Variants in FOXN1 observed in about 807,000 individuals in gnomAD.
FOXN1 encodes the protein forkhead box protein N1.
A neutral mutation model predicts 49.0 loss-of-function variants in FOXN1; 15 were observed. The ratio of observed to expected loss-of-function variants is 0.31; its 90% CI spans 0.20 to 0.47. The LOEUF is 0.47. Ranked by LOEUF, FOXN1 falls within the 20% of genes least tolerant of loss-of-function variation. FOXN1 has a pLI of 1.00. For synonymous variants in FOXN1, 356 were observed against 369.0 expected (o/e 0.96, Z 0.40); for missense variants, 800 against 842.8 (o/e 0.95, Z 0.63).
Position 28,529,074 on chromosome 17 carries a change from G to T in FOXN1, c.700-20G>T. On this transcript the variant is annotated intron_variant, in intron 4 of 8. Coordinates refer to ENST00000579795, the MANE Select transcript of FOXN1 (RefSeq NM_001369369.1). ...AGGCTGGGTACCATGCAATCACTCT[G>T]CCCCTTTTGACCTCCTCAGTACTCG... 1 of 1,613,842 alleles carries T rather than the reference G, an allele frequency of 6.2e-7. No homozygotes were observed. The highest frequency in any genetic ancestry group is 8.5e-7 in the Non-Finnish European group (1 of 1,179,826).
In FOXN1 at chr17:28,535,214, G is replaced by T; in HGVS notation, c.1627+16G>T. 2 of 1,611,494 alleles carry T rather than the reference G, an allele frequency of 1.2e-6. No individual in the cohort carries two copies. Among genetic ancestry groups the T allele is most frequent in the African/African-American group, 1.3e-5 (1 of 75,050 alleles). ...GACTTCCAGGGTGAGCTGGGGGTGG[G>T]AAAGGGAAGGTGGGACAGGACTGGA... On this transcript the variant is annotated intron_variant, in intron 8 of 8. Transcript: ENST00000579795.
intron 1 of FOXN1, among the ~76,000 whole-genome samples, chr17:28,510,504 G>A (rs4332786): frequency 0.45 from 67,020 of 149,974 alleles, 16,089 homozygotes; most frequent in African/African-American, 0.63. Flanking sequence ...GCCATGTCCC[G>A]GACTGCACCA....
chr17:28,522,530 C>G (rs1351390123), intron 1 of FOXN1, among the ~76,000 whole-genome samples: 1 of 152,152 alleles, frequency 6.6e-6, no homozygotes, highest in East Asian at 1.9e-4. Context: ...GCCTGTAGTC[C>G]CAGCTACTCT....
At chr17:28,522,655 C>T (rs12938658) in intron 1 of FOXN1, among the ~76,000 whole-genome samples, 87,371 of 151,272 alleles carry the variant, frequency 0.58, 25,927 homozygotes, top group East Asian at 0.65. Flanking sequence ...TCCAAAAAAA[C>T]AAATAAATAA....
intron 1 of FOXN1, among the ~76,000 whole-genome samples, chr17:28,518,476 G>A (rs571692453): frequency 1.3e-5 from 2 of 152,326 alleles, no homozygotes; most frequent in East Asian, 1.9e-4. Context: ...GGCGCAGGCC[G>A]GCTGTTTGTG....
chr17:28,531,523 G>A (rs2069914539), intron 6 of FOXN1, among the ~76,000 whole-genome samples: 1 of 152,224 alleles, frequency 6.6e-6, no homozygotes, highest in South Asian at 2.1e-4. Flanking sequence ...ACATCAGACA[G>A]GGTGGTCCAT....
In FOXN1 at chr17:28,534,974, C is replaced by T. The variant is rs144637690; in HGVS notation, c.1403C>T (p.Pro468Leu). 3.4e-5 allele frequency: 55 copies of T among 1,614,058 alleles called. No homozygotes were observed. Among genetic ancestry groups the T allele is most frequent in the Admixed American group, 2.3e-4 (14 of 60,034 alleles). Residue 468 changes from proline to leucine, a missense_variant, in exon 8 of 9, where the codon CCG becomes CTG. Pro to Leu is a moderately conservative substitution (Grantham distance 98). Coordinates refer to ENST00000579795, the MANE Select transcript of FOXN1 (RefSeq NM_001369369.1). The surrounding 1 kb of genome is among the most constrained non-coding windows in gnomAD (Gnocchi z 4.1). ...CCAGGCCTGGCCCCTCCTGGACCCC[C>T]GCAGCCATTGTTCCCACAGCCGGAC... The part of the protein sequence containing the change: ...LSPGLAPPGP[P>L]QPLFPQPDGH...
chr17:28,532,674 CTG>C (rs2069940956), intron 6 of FOXN1, among the ~76,000 whole-genome samples: 1 of 152,256 alleles, frequency 6.6e-6, no homozygotes, highest in Non-Finnish European at 1.5e-5. Flanking sequence ...CAAGGATAGA[CTG>C]GACCCTGGAG....
At chr17:28,523,604 C>T (rs1224529437) in intron 1 of FOXN1, among the ~76,000 whole-genome samples, 2 of 152,186 alleles carry the variant, frequency 1.3e-5, no homozygotes, top group African/African-American at 4.8e-5. Flanking sequence ...CTTGAGGAGC[C>T]AGAGGCAGAG....
At chr17:28,522,461 A>G (rs2069660276) in intron 1 of FOXN1, among the ~76,000 whole-genome samples, 1 of 152,186 alleles carries the variant, frequency 6.6e-6, no homozygotes, top group Non-Finnish European at 1.5e-5. Context: ...AGCCTGGCCA[A>G]AATAGTGAAA....
chr17:28,520,290 C>T (rs975074816), intron 1 of FOXN1, among the ~76,000 whole-genome samples: 7 of 152,184 alleles, frequency 4.6e-5, no homozygotes, highest in East Asian at 3.9e-4. Flanking sequence ...TGGACAGGAG[C>T]CCCTCATAAA....
intron 3 of FOXN1, among the ~76,000 whole-genome samples, chr17:28,525,841 T>C (rs1167734600): frequency 4.6e-5 from 7 of 152,158 alleles, no homozygotes; most frequent in Non-Finnish European, 8.8e-5. Context: ...CAGGACTTTA[T>C]TCTGGCCCTT....
At chr17:28,509,772 G>A (rs2069349230) in intron 1 of FOXN1, among the ~76,000 whole-genome samples, 1 of 152,238 alleles carries the variant, frequency 6.6e-6, no homozygotes, top group Non-Finnish European at 1.5e-5. Flanking sequence ...CCCTCATAGA[G>A]CCCCAAAGCG....
rs765413243 is a variant in FOXN1, at chr17:28,537,370, C to T, written c.1881C>T (p.Pro627=). 45 of 1,612,732 alleles carry T rather than the reference C, an allele frequency of 2.8e-5. No homozygotes were observed. Among genetic ancestry groups the T allele is most frequent in the South Asian group, 2.5e-4 (23 of 91,068 alleles). The change falls in exon 9 of 9, where the codon CCC becomes CCT. Residue 627 remains proline, a synonymous_variant. Transcript: ENST00000579795. ...CCTTTATGGAGCTGGAGCCCACGCCCCCCACGGCCCCTGCAGGCCCCTCTG... is the reference window on the plus strand; with the variant it reads ...CCTTTATGGAGCTGGAGCCCACGCCTCCCACGGCCCCTGCAGGCCCCTCTG... The part of the protein sequence containing the change: ...YSAFMELEPT[P]PTAPAGPSVY...
chr17:28,524,103 G>A lies in FOXN1; in HGVS notation c.123+11G>A, dbSNP rs79946739. 7.8e-4 allele frequency: 1,239 copies of A among 1,582,644 alleles called. 9 individuals carry two copies. The African/African-American group carries it at 0.012, about 15-fold the overall frequency. On this transcript the variant is annotated intron_variant, in intron 2 of 8. Coordinates refer to ENST00000579795, the MANE Select transcript of FOXN1 (RefSeq NM_001369369.1). ...CCTGCCCCACAGAGTGTAAGTACCC[G>A]GCATCTGGGCCTGGGTTTAGGCCAA...
intron 3 of FOXN1, among the ~76,000 whole-genome samples, chr17:28,525,445 G>A (rs1331911570): frequency 6.6e-6 from 1 of 152,144 alleles, no homozygotes; most frequent in African/African-American, 2.4e-5. Flanking sequence ...GCCCAGAGTG[G>A]GGCCTGGGTG....
intron 4 of FOXN1, 78 bp from the exon 5 acceptor site, chr17:28,529,016 G>A (rs1379543388): frequency 2.8e-5 from 44 of 1,579,758 alleles, no homozygotes; most frequent in Non-Finnish European, 3.7e-5. Flanking sequence ...TTCTCTGGAT[G>A]TATATAAATG....
rs770996675 is a variant in FOXN1 at position 28,524,580 on chromosome 17, C to T, written c.201C>T (p.Ser67=). ...GGACACCCTCACTGCCCCCACACAG[C>T]CCCCGCATTGCGTCACCAGGGCCCG... is the stretch of plus-strand genomic sequence containing the variant. The part of the protein sequence containing the change: ...PERTPSLPPH[S]PRIASPGPEQ... Residue 67 remains serine, a synonymous_variant, in exon 3 of 9, where the codon AGC becomes AGT. Transcript: ENST00000579795. The T allele has an allele frequency of 5.0e-6, 8 of 1,613,514 alleles. No homozygotes were observed. Among genetic ancestry groups the T allele is most frequent in the African/African-American group, 1.3e-5 (1 of 74,948 alleles).
At chr17:28,523,844 G>A in intron 1 of FOXN1, 112 bp from the exon 2 acceptor site, 1 of 841,718 alleles carries the variant, frequency 1.2e-6, no homozygotes, top group Non-Finnish European at 2.0e-6. Context: ...TCAGATGGCT[G>A]ACTGGAGGCA....
Sources: allele counts gnomAD v4.1 joint callset (sites outside exome capture counted in the v4.1 genomes callset), GRCh38; gene constraint gnomAD v4.1.1; non-coding constraint Gnocchi (gnomAD v3.1); transcripts MANE v1.5; gene names NCBI Gene and HGNC (gene_info 2026-07-23, HGNC 2026-07-21).